Variants in TACR2 observed in about 807,000 individuals in gnomAD.
The protein encoded by TACR2 is tachykinin receptor 2.
In TACR2, 24 loss-of-function variants were observed where a neutral mutation model predicts 28.9. The ratio of observed to expected loss-of-function variants is 0.83; its 90% CI spans 0.60 to 1.17. The LOEUF is 1.17. Among genes scored for constraint, TACR2 ranks in the 50% most tolerant of loss-of-function variants. The pLI is 0.00. For synonymous variants in TACR2, 222 were observed against 212.6 expected (o/e 1.04, Z -0.38); for missense variants, 487 against 524.4 (o/e 0.93, Z 0.70).
intron 2 of TACR2, among the ~76,000 whole-genome samples, chr10:69,409,904 C>CATATATATATATATATATAT (rs10663894): frequency 7.2e-4 from 25 of 34,536 alleles, no homozygotes; most frequent in South Asian, 2.2e-3. Context: ...TATATATATA[C>CATATATATATATATATATAT]ATATATATAT....
At chr10:69,413,569 G>A (rs1840586426) in intron 2 of TACR2, among the ~76,000 whole-genome samples, 1 of 152,240 alleles carries the variant, frequency 6.6e-6, no homozygotes, top group Non-Finnish European at 1.5e-5. Context: ...ACCCTGGGCA[G>A]GGCCTGCCCT....
chr10:69,415,718 A>G (rs1840609536), intron 1 of TACR2, among the ~76,000 whole-genome samples: 1 of 152,214 alleles, frequency 6.6e-6, no homozygotes, highest in South Asian at 2.1e-4. Flanking sequence ...ATCTAGTGCA[A>G]AGTCCTTCTC....
chr10:69,409,904 C>CATATATATATATATATATATATATAT (rs10663894), intron 2 of TACR2, among the ~76,000 whole-genome samples: 17 of 34,576 alleles, frequency 4.9e-4, no homozygotes, highest in Non-Finnish European at 6.5e-4. Flanking sequence ...TATATATATA[C>CATATATATATATATATATATATATAT]ATATATATAT....
intron 2 of TACR2, among the ~76,000 whole-genome samples, chr10:69,413,953 A>G (rs897660605): frequency 2.6e-5 from 4 of 152,196 alleles, no homozygotes; most frequent in South Asian, 2.1e-4. Context: ...CTCATTTTAG[A>G]GAGAGAAAGC....
In TACR2 at chr10:69,404,921, C is replaced by A. The variant is rs762445276; in HGVS notation, c.1102G>T (p.Ala368Ser). The A allele has an allele frequency of 6.2e-7, 1 of 1,614,126 alleles. No individual in the cohort carries two copies. The highest frequency in any genetic ancestry group is 1.1e-5 in the South Asian group (1 of 91,062). ...FMAGDTAPSE[A>S]TSGEAGRPQD... ...GGACGCCCCGCCTCCCCACTGGTAG[C>A]CTCGGAGGGGGCTGTGTCCCCAGCC... Residue 368 changes from alanine to serine, a missense_variant, in exon 5 of 5, where the codon GCT (alanine) becomes TCT (serine). Ala to Ser is a moderately conservative substitution (Grantham distance 99). Transcript: ENST00000373306.
Position 69,416,851 on chromosome 10 carries a change from G to GGCTGGGT in TACR2, c.-535_-529dup, listed in dbSNP as rs1454433720. 6.5e-6 allele frequency: 1 copy of GGCTGGGT among 152,800 alleles called. No individual in the cohort carries two copies. The highest frequency in any genetic ancestry group is 1.5e-5 in the Non-Finnish European group (1 of 68,504). 9.5% of individuals were successfully genotyped at this position (152,800 alleles called of 1,614,324 possible). The stretch of plus-strand genomic sequence containing the variant: ...TCTCCAGGCTTTGGGCTGCAAGCCG[G>GGCTGGGT]GCTGGGTGCTGGGTGCTCAGGGCTC... On this transcript the variant is annotated 5_prime_UTR_variant, in exon 1 of 5. Transcript: ENST00000373306.
At position 69,408,994 on chromosome 10, in the gene TACR2, C is replaced by T; in HGVS notation, c.669G>A (p.Thr223=). ...MFVAYSVIGL[T]LWRRAVPGHQ... is the part of the protein sequence containing the mutation. ...GTCCGGGCACTGCGCGCCTCCAGAG[C>T]GTGAGGCCGATGACGCTGTAGGCTA... Residue 223 remains threonine (T), a synonymous_variant, in exon 3 of 5, where the codon ACG becomes ACA. Transcript: ENST00000373306. 1.2e-6 allele frequency: 2 copies of T among 1,607,118 alleles called. No homozygotes were observed. The highest frequency in any genetic ancestry group is 1.7e-6 in the Non-Finnish European group (2 of 1,178,242).
chr10:69,407,115 T>C lies in TACR2; in HGVS notation c.907A>G (p.Asn303Asp). The C allele has an allele frequency of 6.2e-7, 1 of 1,613,680 alleles. No homozygotes were observed. Among genetic ancestry groups the C allele is most frequent in the Non-Finnish European group, 8.5e-7 (1 of 1,179,822 alleles). Reference protein sequence around the residue: ...FWLAMSSTMYNPIIYCCLNHR... With the variant: ...FWLAMSSTMYDPIIYCCLNHR... Reference sequence around the variant, plus strand: ...TTGAGACAGCAGTAGATGATGGGATTGTACATGGTAGAGCTCATGGCCAAC... The same window carrying C: ...TTGAGACAGCAGTAGATGATGGGATCGTACATGGTAGAGCTCATGGCCAAC... The change falls in exon 4 of 5, where the codon AAT (asparagine) becomes GAT (aspartate). Residue 303 changes from asparagine (N) to aspartate (D), a missense_variant. Transcript: ENST00000373306.
Position 69,407,216 on chromosome 10 carries a change from T to C in TACR2, c.806A>G (p.Tyr269Cys). ...CTCCTGGAAGCTGCCCAGGATGAAGTAGAGGTGGTAGGGCAGCCAGCAGAT... is the reference window on the plus strand; with the variant it reads ...CTCCTGGAAGCTGCCCAGGATGAAGCAGAGGTGGTAGGGCAGCCAGCAGAT... ...FAICWLPYHL[Y>C]FILGSFQEDI... Residue 269 changes from tyrosine (Y) to cysteine (C), a missense_variant, in exon 4 of 5, where the codon TAC becomes TGC. Physicochemically the swap from Tyr to Cys is radical, Grantham distance 194. Coordinates refer to ENST00000373306, the MANE Select transcript of TACR2 (RefSeq NM_001057.3). The C allele has an allele frequency of 3.7e-6, 6 of 1,613,716 alleles. No individual in the cohort carries two copies. Among genetic ancestry groups the C allele is most frequent in the Admixed American group, 1.7e-5 (1 of 59,968 alleles).
At chr10:69,410,454 G>A (rs945702707) in intron 2 of TACR2, among the ~76,000 whole-genome samples, 8 of 151,160 alleles carry the variant, frequency 5.3e-5, no homozygotes, top group South Asian at 2.1e-4. Context: ...CCAGGAGATC[G>A]AGGCTGTAAT....
chr10:69,414,940 C>G lies in TACR2; in HGVS notation c.587+5G>C. 6.2e-7 allele frequency: 1 copy of G among 1,606,798 alleles called. No homozygotes were observed. The highest frequency in any genetic ancestry group is 8.5e-7 in the Non-Finnish European group (1 of 1,174,914). ...TTGCCCTCCACAATCCCCCAGAGGC[C>G]TTACAGGAGGAGCGTCTTGCCCCCG... is the stretch of plus-strand genomic sequence containing the variant. On this transcript the variant is annotated splice_donor_5th_base_variant and intron_variant, in intron 2 of 4. Coordinates refer to ENST00000373306, the MANE Select transcript of TACR2 (RefSeq NM_001057.3).
Position 69,415,949 on chromosome 10 carries a change from G to T in TACR2, c.375C>A (p.Thr125=), listed in dbSNP as rs377267659. The part of the protein sequence containing the change: ...TAMFVSIYSM[T]AIAADRYMAI... ...CCTCTTGCCTGTCGGCAGCAATGGC[G>T]GTCATGGAGTAGATGCTGACAAACA... Residue 125 remains threonine, a synonymous_variant, in exon 1 of 5, where the codon ACC becomes ACA. Coordinates refer to ENST00000373306, the MANE Select transcript of TACR2 (RefSeq NM_001057.3). 42 of 1,613,288 alleles carry T rather than the reference G, an allele frequency of 2.6e-5. No homozygotes were observed. In the South Asian group the frequency reaches 4.1e-4, roughly 16 times the overall value.
At position 69,416,437 on chromosome 10, in the gene TACR2, T is replaced by C. The variant is rs939935671; in HGVS notation, c.-114A>G. 3 of 1,442,076 alleles carry C rather than the reference T, an allele frequency of 2.1e-6. No homozygotes were observed. The highest frequency in any genetic ancestry group is 2.3e-5 in the East Asian group (1 of 43,152). The allele number at this position is 1,442,076 out of a possible 1,614,324, so 89.3% of individuals were successfully genotyped here. ...ATATGGGGGCAGGGAGAGGAGCAGA[T>C]GCCAAGCGTGGTGGCACATCAGGAG... On this transcript the variant is annotated 5_prime_UTR_variant, in exon 1 of 5. Coordinates refer to ENST00000373306, the MANE Select transcript of TACR2 (RefSeq NM_001057.3).
Position 69,404,750 on chromosome 10 carries a change from C to A in TACR2, c.*76G>T, listed in dbSNP as rs1840485458. 1.9e-5 allele frequency: 13 copies of A among 673,484 alleles called. No individual in the cohort carries two copies. In the South Asian group the frequency reaches 2.9e-4, roughly 15 times the overall value. The allele number at this position is 673,484 out of a possible 1,614,324, so 41.7% of individuals were successfully genotyped here. On this transcript the variant is annotated 3_prime_UTR_variant, in exon 5 of 5. Transcript: ENST00000373306. The stretch of plus-strand genomic sequence containing the variant: ...TTCACTTCAACTGGAAGGCATTAAT[C>A]TATTCATAAGGGATCCATCCCCAAT...
chr10:69,416,329 C>T lies in TACR2; in HGVS notation c.-6G>A. The T allele has an allele frequency of 6.3e-7, 1 of 1,576,486 alleles. No individual in the cohort carries two copies. Among genetic ancestry groups the T allele is most frequent in the Non-Finnish European group, 8.6e-7 (1 of 1,157,718 alleles). On this transcript the variant is annotated 5_prime_UTR_variant, in exon 1 of 5. Transcript: ENST00000373306. ...ACAATGTCACAGGTCCCCATGGCTG[C>T]TTCTGGGTCTGGAACAAAGGACCTG...
At chr10:69,410,474 T>C (rs532953429) in intron 2 of TACR2, among the ~76,000 whole-genome samples, 2 of 150,974 alleles carry the variant, frequency 1.3e-5, no homozygotes, top group South Asian at 4.2e-4. Context: ...TGAGCTATGA[T>C]TGGGCCACTG....
intron 3 of TACR2, among the ~76,000 whole-genome samples, chr10:69,407,756 A>G (rs1404964110): frequency 6.6e-6 from 1 of 151,946 alleles, no homozygotes; most frequent in African/African-American, 2.4e-5. Context: ...GCCTCTGCCC[A>G]CGGGTCAGCT....
intron 2 of TACR2, among the ~76,000 whole-genome samples, chr10:69,410,241 G>A (rs1286775474): frequency 5.9e-5 from 9 of 152,028 alleles, no homozygotes; most frequent in African/African-American, 2.2e-4. Flanking sequence ...TGTAGGCCAG[G>A]CGTGGTGGCT....
intron 3 of TACR2, among the ~76,000 whole-genome samples, chr10:69,408,175 G>A (rs930126415): frequency 2.6e-5 from 4 of 152,128 alleles, no homozygotes; most frequent in African/African-American, 9.7e-5. Flanking sequence ...GCAGGGAGTA[G>A]GGGGACACTG....
Sources: gnomAD v4.1 joint callset for allele counts (sites outside exome capture counted in the v4.1 genomes callset) on GRCh38, gnomAD v4.1.1 for gene constraint, MANE v1.5 for transcripts, NCBI Gene and HGNC (gene_info 2026-07-23, HGNC 2026-07-21) for gene names.